KLF8: variants seen among roughly 807,000 people sequenced by gnomAD.
The protein encoded by KLF8 is KLF transcription factor 8, also known as Krueppel-like factor 8.
A neutral mutation model predicts 18.2 loss-of-function variants in KLF8; 10 were observed. The ratio of observed to expected loss-of-function variants is 0.55; its 90% confidence interval spans 0.34 to 0.93. The LOEUF (loss-of-function observed/expected upper bound fraction) is 0.93. KLF8 is among the 40% of genes least tolerant of loss of function. The pLI is 0.02. For missense variants in KLF8, 264 were observed against 277.9 expected, an observed-to-expected ratio of 0.95 and a Z score of 0.36; for synonymous variants, 109 against 97.3, an observed-to-expected ratio of 1.12 and a Z score of -0.71.
At chrX:56,167,925 T>C in the KLF8 span, among the ~76,000 whole-genome samples, 1 of 111,669 alleles carries the variant, frequency 9.0e-6, no homozygotes, top group Non-Finnish European at 1.9e-5. Flanking sequence ...TTCCATCCCA[T>C]ATTCAGATAT....
chrX:55,962,328 T>G, the KLF8 span: 1 of 186,851 alleles, frequency 5.4e-6, no homozygotes, highest in Non-Finnish European at 1.1e-5. Context: ...AAAATTGGCA[T>G]GTTTTGTTTC....
the KLF8 span, chrX:55,962,445 G>T: frequency 4.2e-5 from 10 of 239,636 alleles, no homozygotes; most frequent in African/African-American, 2.9e-4. Context: ...AGCAACATGG[G>T]CTACCTTGCC....
At chrX:55,961,270 C>G in the KLF8 span, 88 of 353,616 alleles carry the variant, frequency 2.5e-4, no homozygotes, top group Middle Eastern at 2.9e-3. Context: ...ACCCAGGCCT[C>G]ACCACCACAG....
chrX:56,231,498 G>T (rs187071920), upstream of KLF8, among the ~76,000 whole-genome samples: 1 of 111,643 alleles, frequency 9.0e-6, no homozygotes, highest in East Asian at 2.8e-4. Flanking sequence ...TGAATACATG[G>T]CAGATATTAT....
the KLF8 span, among the ~76,000 whole-genome samples, chrX:56,131,268 C>T: frequency 1.8e-5 from 2 of 111,829 alleles, no homozygotes; most frequent in Non-Finnish European, 3.8e-5. Context: ...TTAAAGAAAC[C>T]TATCAGATTA....
At chrX:55,923,424 C>T in the KLF8 span, among the ~76,000 whole-genome samples, 1 of 110,465 alleles carries the variant, frequency 9.1e-6, no homozygotes, top group Non-Finnish European at 1.9e-5. Flanking sequence ...GTCTGTGCAG[C>T]AAGCCATCAT....
the KLF8 span, among the ~76,000 whole-genome samples, chrX:56,015,828 C>T: frequency 2.7e-5 from 3 of 111,324 alleles, no homozygotes; most frequent in East Asian, 2.8e-4. Context: ...ATTTTGTTTG[C>T]GGGAAAGGGA....
the KLF8 span, among the ~76,000 whole-genome samples, chrX:56,159,844 G>A: frequency 9.0e-6 from 1 of 110,919 alleles, no homozygotes; most frequent in Non-Finnish European, 1.9e-5. Context: ...ACAATCTCCT[G>A]GATTCATTGA....
rs1368465512 is a variant in KLF8 at position 56,285,224 on chromosome X, C to G, written c.*730C>G. 1 of 111,501 alleles carries G rather than the reference C, an allele frequency of 9.0e-6. No individual in the cohort carries two copies. The highest frequency in any genetic ancestry group is 1.9e-5 in the Non-Finnish European group (1 of 53,113). 9.2% of individuals were successfully genotyped at this position (111,501 alleles called of 1,213,427 possible). ...TCCTTCAGGATTAAAGATTTTGCTG[C>G]ACAATTGTTATTTGTTAGGTTAAAT... On this transcript the variant is annotated 3_prime_UTR_variant, in exon 6 of 6. Transcript: ENST00000468660.
At chrX:55,925,723 G>A in the KLF8 span, among the ~76,000 whole-genome samples, 1 of 111,841 alleles carries the variant, frequency 8.9e-6, no homozygotes, top group Non-Finnish European at 1.9e-5. Flanking sequence ...AAAGGCTTGA[G>A]CTACATTTTT....
chrX:56,180,117 A>C, the KLF8 span, among the ~76,000 whole-genome samples: 1 of 111,035 alleles, frequency 9.0e-6, no homozygotes, highest in African/African-American at 3.3e-5. Flanking sequence ...AATCCGTCTG[A>C]TCCTGGACTT....
At chrX:56,135,009 C>T in the KLF8 span, among the ~76,000 whole-genome samples, 6 of 110,975 alleles carry the variant, frequency 5.4e-5, no homozygotes, top group South Asian at 1.5e-3. Context: ...ATCAATACCA[C>T]GAAGGCCTCA....
chrX:56,264,993 C>G (rs1299270816), intron 2 of KLF8, among the ~76,000 whole-genome samples, 187 bp from the exon 3 acceptor site: 1 of 111,527 alleles, frequency 9.0e-6, no homozygotes, highest in African/African-American at 3.3e-5. Flanking sequence ...GGATACAGTA[C>G]CTGGTACTTA....
chrX:56,121,172 C>T, the KLF8 span, among the ~76,000 whole-genome samples: 4 of 87,427 alleles, frequency 4.6e-5, no homozygotes, highest in South Asian at 1.1e-3. Flanking sequence ...GGCCACAGAG[C>T]GAGACTCCGT....
chrX:56,206,430 G>A, the KLF8 span, among the ~76,000 whole-genome samples: 11 of 112,043 alleles, frequency 9.8e-5, no homozygotes, highest in East Asian at 2.8e-4. Flanking sequence ...ATGGGAGTAC[G>A]GGCATTGGAT....
chrX:55,939,812 C>G, the KLF8 span, among the ~76,000 whole-genome samples: 2 of 111,756 alleles, frequency 1.8e-5, no homozygotes, highest in Admixed American at 9.5e-5. Context: ...TACACTCTCC[C>G]AAGACTAAAC....
the KLF8 span, among the ~76,000 whole-genome samples, chrX:56,142,943 C>A: frequency 8.9e-6 from 1 of 112,019 alleles, no homozygotes; most frequent in African/African-American, 3.2e-5. Context: ...ATTTAGTGGT[C>A]TTTTTGCTTG....
chrX:55,964,240 G>A, the KLF8 span, among the ~76,000 whole-genome samples: 1 of 111,366 alleles, frequency 9.0e-6, no homozygotes. Context: ...AACCTCAAAA[G>A]TAGCCAAAGA....
the KLF8 span, among the ~76,000 whole-genome samples, chrX:56,048,778 A>T: frequency 1.8e-5 from 2 of 111,759 alleles, no homozygotes; most frequent in Non-Finnish European, 3.8e-5. Context: ...TATGAACTTT[A>T]AAGTAGCTAT....
Sources: gnomAD v4.1 joint callset for allele counts (sites outside exome capture counted in the v4.1 genomes callset) on GRCh38, gnomAD v4.1.1 for gene constraint, MANE v1.5 for transcripts, NCBI Gene and HGNC (gene_info 2026-07-23, HGNC 2026-07-21) for gene names.